TRAPPC2: variants seen among roughly 807,000 people sequenced by gnomAD.
TRAPPC2 encodes trafficking protein particle complex subunit 2.
Under a neutral mutation model 10.0 loss-of-function variants are expected in TRAPPC2, and 4 were observed. The ratio of observed to expected loss-of-function variants is 0.40; its 90% CI spans 0.20 to 0.92. TRAPPC2 has a LOEUF of 0.92. Among genes scored for constraint, TRAPPC2 ranks in the 40% least tolerant of loss-of-function variants. The probability of loss-of-function intolerance (pLI) is 0.35; values close to 1 mark genes in which losing one functional copy is unlikely to be tolerated. For missense variants in TRAPPC2, 52 were observed against 108.7 expected (o/e 0.48, Z 2.32); for synonymous variants, 36 against 37.3 (o/e 0.97, Z 0.12).
chrX:13,717,220 A>C (rs1325444936), intron 3 of TRAPPC2, among the ~76,000 whole-genome samples: 1 of 110,471 alleles, frequency 9.1e-6, no homozygotes, highest in Non-Finnish European at 1.9e-5. Context: ...TTTCCAGTGC[A>C]TGGAGCTTAC....
chrX:13,731,204 A>T (rs929521594), intron 2 of TRAPPC2, among the ~76,000 whole-genome samples: 1 of 112,434 alleles, frequency 8.9e-6, no homozygotes, highest in Non-Finnish European at 1.9e-5. Flanking sequence ...GAAAAATGCC[A>T]TATCATCCGC....
rs773948565 is a variant in TRAPPC2 at position 13,725,320 on chromosome X, G to A, written c.-19-5338C>T. Among the ~76,000 whole-genome samples, 4 of 112,638 alleles carry A rather than the reference G, an allele frequency of 3.6e-5. No individual in the cohort carries two copies. In the East Asian group the frequency reaches 1.1e-3, roughly 32 times the overall value. ...TCAAGGGGGTCCCTGACCCCCGTAT[G>A]GCCTAATTGGGAGACACCTCCCAGT... On this transcript the variant is annotated intron_variant, in intron 2 of 5. Transcript: ENST00000380579.
chrX:13,716,286 T>A, intron 4 of TRAPPC2, 197 bp from the exon 5 acceptor site: 4 of 578,341 alleles, frequency 6.9e-6, no homozygotes, highest in Non-Finnish European at 1.1e-5. Context: ...AACTGTAAAA[T>A]AAAGTAAAAT....
intron 1 of TRAPPC2, 48 bp from the exon 2 acceptor site, chrX:13,734,233 A>G (rs1381775048): frequency 2.5e-6 from 1 of 402,702 alleles, no homozygotes. Context: ...AATGCACAGG[A>G]CAGCCTCCCA....
intron 2 of TRAPPC2, among the ~76,000 whole-genome samples, chrX:13,727,081 A>G (rs1264938542): frequency 8.9e-6 from 1 of 112,237 alleles, no homozygotes; most frequent in East Asian, 2.8e-4. Flanking sequence ...TATGCACCCA[A>G]TACAGGAGCA....
intron 5 of TRAPPC2, 149 bp from the exon 6 acceptor site, chrX:13,714,654 G>A (rs1396416037): frequency 2.9e-5 from 11 of 375,727 alleles, no homozygotes; most frequent in African/African-American, 2.8e-4. Flanking sequence ...ATGCTGCATT[G>A]TTAATAACAT....
At position 13,712,275 on chromosome X, in the gene TRAPPC2, A is replaced by G. The variant is rs1240780740; in HGVS notation, c.*2132T>C. On this transcript the variant is annotated 3_prime_UTR_variant, in exon 6 of 6. Transcript: ENST00000380579. ...CAAACATCTTTATTTAAGAAATCAAATAGGGTAAAAATTATGCAATTTCAC... is the reference window on the plus strand; with the variant it reads ...CAAACATCTTTATTTAAGAAATCAAGTAGGGTAAAAATTATGCAATTTCAC... The G allele has an allele frequency of 8.9e-6, 1 of 111,784 alleles. No homozygotes were observed. The highest frequency in any genetic ancestry group is 9.5e-5 in the Admixed American group (1 of 10,561). 9.2% of individuals were successfully genotyped at this position (111,784 alleles called of 1,213,427 possible). A position where few individuals can be genotyped will look rare whatever the true frequency, so the allele number is the denominator to read the frequency against.
intron 2 of TRAPPC2, among the ~76,000 whole-genome samples, chrX:13,725,352 C>T (rs1421033021): frequency 8.9e-6 from 1 of 112,156 alleles, no homozygotes; most frequent in Non-Finnish European, 1.9e-5. Context: ...CAGTAGGGGC[C>T]GACAGACACC....
chrX:13,726,849 A>T (rs2046562971), intron 2 of TRAPPC2, among the ~76,000 whole-genome samples: 1 of 112,080 alleles, frequency 8.9e-6, no homozygotes, highest in African/African-American at 3.2e-5. Context: ...AGTGTGCTGT[A>T]TTCAGGAAAC....
intron 2 of TRAPPC2, among the ~76,000 whole-genome samples, chrX:13,725,583 A>G: frequency 8.9e-6 from 1 of 112,418 alleles, no homozygotes; most frequent in Non-Finnish European, 1.9e-5. Context: ...CAACATCTAC[A>G]CCAAAACCCC....
At chrX:13,718,202 G>A (rs1480736018) in intron 3 of TRAPPC2, among the ~76,000 whole-genome samples, 5 of 113,207 alleles carry the variant, frequency 4.4e-5, no homozygotes, top group East Asian at 2.8e-4. Context: ...AAACTGAGAC[G>A]GCTTCCTTGC....
chrX:13,713,763 G>C lies in TRAPPC2; in HGVS notation c.*644C>G, dbSNP rs1444170115. ...GGAGGTGGAGGTTGCAGTGAGCCAA[G>C]ATCGTGCCACTGCACTACAGCCTGC... On this transcript the variant is annotated 3_prime_UTR_variant, in exon 6 of 6. Transcript: ENST00000380579. The C allele has an allele frequency of 1.9e-5, 2 of 107,194 alleles. No individual in the cohort carries two copies. Among genetic ancestry groups the C allele is most frequent in the African/African-American group, 3.4e-5 (1 of 29,119 alleles). The allele number at this position is 107,194 out of a possible 1,213,427, so 8.8% of individuals were successfully genotyped here. A position where few individuals can be genotyped will look rare whatever the true frequency, so the allele number is the denominator to read the frequency against.
intron 2 of TRAPPC2, among the ~76,000 whole-genome samples, chrX:13,730,153 A>G (rs1343297434): frequency 9.0e-6 from 1 of 110,982 alleles, no homozygotes; most frequent in African/African-American, 3.3e-5. Context: ...AATGGGAGAA[A>G]ATGTTTGCAA....
At chrX:13,728,987 C>T (rs916629062) in intron 2 of TRAPPC2, among the ~76,000 whole-genome samples, 8 of 111,836 alleles carry the variant, frequency 7.2e-5, no homozygotes, top group African/African-American at 2.6e-4. Flanking sequence ...TGGGTGAACT[C>T]CCATTCACAA....
chrX:13,713,450 C>CAAAAAAA lies in TRAPPC2; in HGVS notation c.*950_*956dup, dbSNP rs57103709. 0.33 allele frequency: 27,552 copies of CAAAAAAA among 84,105 alleles called. 4,376 individuals carry two copies. The highest frequency in any genetic ancestry group is 0.37 in the African/African-American group (7,660 of 20,452). The allele number at this position is 84,105 out of a possible 1,213,427, so 6.9% of individuals were successfully genotyped here. On this transcript the variant is annotated 3_prime_UTR_variant, in exon 6 of 6. Coordinates refer to ENST00000380579, the MANE Select transcript of TRAPPC2 (RefSeq NM_001011658.4). The stretch of plus-strand genomic sequence containing the variant: ...GCACAACAGGAGCAAGACTCCATCT[C>CAAAAAAA]AAAAAAACAAAAAACAAAAAACAAA...
intron 2 of TRAPPC2, among the ~76,000 whole-genome samples, chrX:13,730,208 C>G (rs1303963538): frequency 9.2e-6 from 1 of 109,092 alleles, no homozygotes; most frequent in Admixed American, 9.7e-5. Flanking sequence ...CTACAAAGAA[C>G]TCAAACAAAT....
Position 13,734,606 on chromosome X carries a change from C to G in TRAPPC2, c.-243G>C, listed in dbSNP as rs1369168929. ...CGCCCCGAACCTGTAGCCAGAACGC[C>G]GAAGCAGTTCTCGCGATACCCTGGG... is the stretch of plus-strand genomic sequence containing the variant. On this transcript the variant is annotated 5_prime_UTR_variant, in exon 1 of 6. Coordinates refer to ENST00000380579, the MANE Select transcript of TRAPPC2 (RefSeq NM_001011658.4). 22 of 750,695 alleles carry G rather than the reference C, an allele frequency of 2.9e-5. No homozygotes were observed. The highest frequency in any genetic ancestry group is 3.5e-5 in the Non-Finnish European group (21 of 607,323). The allele number at this position is 750,695 out of a possible 1,213,427, so 61.9% of individuals were successfully genotyped here. A position where few individuals can be genotyped will look rare whatever the true frequency, so the allele number is the denominator to read the frequency against.
rs746243168 is a variant in TRAPPC2, at chrX:13,718,747, A to G, written c.93+1124T>C. ...GCATTACAATTAACTTAAAACATCA[A>G]TTCCTTAAAGGACATTAAAGCCAAT... is the stretch of plus-strand genomic sequence containing the variant. On this transcript the variant is annotated intron_variant, in intron 3 of 5. Transcript: ENST00000380579. 1.2e-3 allele frequency among the ~76,000 whole-genome samples: 130 copies of G among 112,422 alleles called. 1 individual carries two copies. The highest frequency in any genetic ancestry group is 4.0e-3 in the African/African-American group (123 of 30,967).
chrX:13,723,095 CAAAAA>C (rs749531653), intron 2 of TRAPPC2, among the ~76,000 whole-genome samples: 3 of 62,766 alleles, frequency 4.8e-5, no homozygotes, highest in Non-Finnish European at 6.0e-5. Flanking sequence ...GACTCCATCT[CAAAAA>C]AAAAAAAAAA....
Sources: allele counts gnomAD v4.1 joint callset (sites outside exome capture counted in the v4.1 genomes callset), GRCh38; gene constraint gnomAD v4.1.1; transcripts MANE v1.5; gene names NCBI Gene and HGNC (gene_info 2026-07-23, HGNC 2026-07-21).